GLT8D2: variants seen among roughly 807,000 people sequenced by gnomAD.
GLT8D2 encodes glycosyltransferase 8 domain containing 2.
GLT8D2 carries 45 observed loss-of-function variants against 44.5 expected under a neutral mutation model. The observed-to-expected ratio is 1.01, with a 90% CI of 0.80 to 1.30. GLT8D2 has a LOEUF of 1.30. Ranked by LOEUF, GLT8D2 falls within the 50% of genes most tolerant of loss-of-function variation. The pLI is 0.00. For synonymous variants in GLT8D2, 156 were observed against 157.2 expected, an observed-to-expected ratio of 0.99 and a Z score of 0.06; for missense variants, 400 against 430.4, an observed-to-expected ratio of 0.93 and a Z score of 0.62.
At chr12:104,002,980 G>C (rs988245068) in intron 5 of GLT8D2, among the ~76,000 whole-genome samples, 155 bp downstream of exon 5, 1 of 147,710 alleles carries the variant, frequency 6.8e-6, no homozygotes, top group Non-Finnish European at 1.5e-5. Context: ...GACAGAGAGA[G>C]AGAGAGAGAC....
chr12:104,020,185 G>A (rs1052124925), intron 2 of GLT8D2, among the ~76,000 whole-genome samples: 1 of 152,032 alleles, frequency 6.6e-6, no homozygotes, highest in African/African-American at 2.4e-5. Flanking sequence ...GCCTCCCAAA[G>A]TGCTGGGATT....
chr12:104,033,183 G>A (rs763355291), intron 1 of GLT8D2, among the ~76,000 whole-genome samples: 24 of 152,078 alleles, frequency 1.6e-4, no homozygotes, highest in South Asian at 6.2e-4. Context: ...CACCCAGCCC[G>A]CAGCACTATT....
intron 1 of GLT8D2, among the ~76,000 whole-genome samples, 198 bp downstream of exon 1, chr12:104,049,697 T>A (rs1472523549): frequency 1.3e-5 from 2 of 152,140 alleles, no homozygotes; most frequent in Non-Finnish European, 2.9e-5. Context: ...GCACACTGGA[T>A]TTGCTGGAAA....
intron 10 of GLT8D2, 59 bp from the exon 11 acceptor site, chr12:103,989,636 T>C: frequency 7.3e-7 from 1 of 1,365,492 alleles, no homozygotes; most frequent in Non-Finnish European, 1.0e-6. Flanking sequence ...TTTTGTATTA[T>C]AAATTGAATA....
chr12:104,020,506 G>A (rs960103172), intron 2 of GLT8D2, among the ~76,000 whole-genome samples: 16 of 152,162 alleles, frequency 1.1e-4, no homozygotes, highest in Non-Finnish European at 2.1e-4. Flanking sequence ...GTGATGCACC[G>A]AAAAACAAAA....
chr12:104,021,877 AAG>A (rs1877714575), intron 1 of GLT8D2, among the ~76,000 whole-genome samples: 1 of 16,642 alleles, frequency 6.0e-5, no homozygotes, highest in Admixed American at 7.2e-4. Flanking sequence ...AAAGAAGAAG[AAG>A]AAGAAGAAGA....
chr12:104,049,322 G>C (rs769152419), intron 1 of GLT8D2: 3 of 150,248 alleles, frequency 2.0e-5, no homozygotes, highest in Non-Finnish European at 3.0e-5. Flanking sequence ...CTTGTCCAAT[G>C]TGTGACACTT....
chr12:104,051,479 T>C (rs922586264), upstream of GLT8D2, among the ~76,000 whole-genome samples: 11 of 152,220 alleles, frequency 7.2e-5, no homozygotes, highest in African/African-American at 2.2e-4. Flanking sequence ...TACATATTCA[T>C]GTAATAATTG....
chr12:104,063,765 C>G (rs1349509963), intron 1 of GLT8D2, among the ~76,000 whole-genome samples: 1 of 151,960 alleles, frequency 6.6e-6, no homozygotes, highest in African/African-American at 2.4e-5. Context: ...CCTCATTTCC[C>G]CGTCCATGAA....
Position 104,058,515 on chromosome 12 carries a change from TATTATCTC to T in GLT8D2, c.-423+5426_-423+5433del, listed in dbSNP as rs376831901. Reference sequence around the variant, plus strand: ...CTTCCTTGCTGCCACTTTGGAACCATATTATCTCATTTAATCCTTTGACTAACCCTAAG... The same window carrying T: ...CTTCCTTGCTGCCACTTTGGAACCATATTTAATCCTTTGACTAACCCTAAG... On this transcript the variant is annotated intron_variant, in intron 1 of 10. Coordinates refer to the GLT8D2 transcript ENST00000548660. Among the ~76,000 whole-genome samples the T allele has an allele frequency of 1.4e-3, 212 of 152,324 alleles. 1 individual carries two copies. Among genetic ancestry groups the T allele is most frequent in the Admixed American group, 0.012 (182 of 15,302 alleles).
At chr12:104,034,698 C>T (rs140545159) in intron 1 of GLT8D2, among the ~76,000 whole-genome samples, 2,651 of 152,356 alleles carry the variant, frequency 0.017, 31 homozygotes, top group Non-Finnish European at 0.024. Flanking sequence ...CTGTAGACTC[C>T]ACTTCTGGGG....
At chr12:104,014,764 C>T (rs1037388367) in intron 4 of GLT8D2, among the ~76,000 whole-genome samples, 9 of 152,334 alleles carry the variant, frequency 5.9e-5, no homozygotes, top group East Asian at 1.9e-4. Flanking sequence ...CTACACCTCA[C>T]GGGTGGGCCC....
At chr12:104,002,039 G>A (rs576392355) in intron 5 of GLT8D2, among the ~76,000 whole-genome samples, 13 of 152,020 alleles carry the variant, frequency 8.6e-5, no homozygotes, top group Non-Finnish European at 1.3e-4. Context: ...TAAGTGATGC[G>A]ATCATAGCTT....
chr12:104,005,591 T>C (rs566899839), intron 4 of GLT8D2, among the ~76,000 whole-genome samples: 2 of 152,282 alleles, frequency 1.3e-5, no homozygotes, highest in East Asian at 3.9e-4. Context: ...CAGACACTTC[T>C]CAAAAGAAGA....
At chr12:104,010,141 C>T (rs1245758335) in intron 4 of GLT8D2, among the ~76,000 whole-genome samples, 4 of 152,266 alleles carry the variant, frequency 2.6e-5, no homozygotes, top group East Asian at 1.9e-4. Flanking sequence ...GAGAATTTGA[C>T]GTTTCTTTGC....
At chr12:104,039,415 C>T in intron 1 of GLT8D2, among the ~76,000 whole-genome samples, 1 of 152,158 alleles carries the variant, frequency 6.6e-6, no homozygotes, top group Non-Finnish European at 1.5e-5. Context: ...GGGCTGATAT[C>T]CAGAATCTAC....
At chr12:104,028,499 C>T (rs1566205712) in intron 1 of GLT8D2, among the ~76,000 whole-genome samples, 5 of 152,116 alleles carry the variant, frequency 3.3e-5, no homozygotes, top group African/African-American at 7.2e-5. Flanking sequence ...TTTTCCAGTA[C>T]AATTAGTGTA....
Position 104,031,647 on chromosome 12 carries a change from C to T in GLT8D2, c.-163-10156G>A, listed in dbSNP as rs1438660273. On this transcript the variant is annotated intron_variant, in intron 1 of 10. Transcript: ENST00000360814. ...TCACACTGACCACATCTGTAGACAT[C>T]TTGAGTTGTAGCTGCAGATGGGGAC... 2.7e-6 allele frequency: 3 copies of T among 1,094,130 alleles called. No homozygotes were observed. In the East Asian group the frequency reaches 7.7e-5, roughly 28 times the overall value. 67.8% of individuals were successfully genotyped at this position (1,094,130 alleles called of 1,614,324 possible).
intron 7 of GLT8D2, among the ~76,000 whole-genome samples, chr12:103,997,141 CA>C (rs1285440384): frequency 4.6e-5 from 7 of 152,122 alleles, no homozygotes; most frequent in Non-Finnish European, 1.5e-5. Context: ...ATTTAAACAC[CA>C]AAACTTAGCT....
Sources: allele counts gnomAD v4.1 joint callset (sites outside exome capture counted in the v4.1 genomes callset), GRCh38; gene constraint gnomAD v4.1.1; transcripts MANE v1.5; gene names NCBI Gene and HGNC (gene_info 2026-07-23, HGNC 2026-07-21).